PCDHA8: variants seen among roughly 807,000 people sequenced by gnomAD.
PCDHA8 encodes the protein protocadherin alpha-8.
In PCDHA8, 53 loss-of-function variants were observed where a neutral mutation model predicts 61.8. The ratio of observed to expected loss-of-function variants is 0.86; its 90% CI spans 0.69 to 1.08. The LOEUF is 1.08. Among genes scored for constraint, PCDHA8 ranks in the 50% least tolerant of loss-of-function variants. The pLI is 0.00. For synonymous variants in PCDHA8, 618 were observed against 556.6 expected (o/e 1.11, Z -1.55); for missense variants, 1,293 against 1,245.0 (o/e 1.04, Z -0.58).
intron 3 of PCDHA8, among the ~76,000 whole-genome samples, chr5:140,996,335 T>G (rs887353118): frequency 1.3e-5 from 2 of 152,202 alleles, no homozygotes; most frequent in African/African-American, 4.8e-5. Flanking sequence ...AAGAAAAGTT[T>G]GAAAACCCAA....
At chr5:140,936,080 A>C (rs1252008478) in intron 1 of PCDHA8, among the ~76,000 whole-genome samples, 2 of 152,004 alleles carry the variant, frequency 1.3e-5, no homozygotes, top group African/African-American at 4.8e-5. Flanking sequence ...TTTAGTAGAG[A>C]CAGGGTTTCA....
intron 1 of PCDHA8, chr5:140,857,253 A>G (rs1554149722): frequency 1.3e-6 from 2 of 1,598,432 alleles, no homozygotes; most frequent in Admixed American, 3.4e-5. Context: ...ACCTACAAGA[A>G]TTACTACTCA....
At chr5:140,872,294 T>C in intron 1 of PCDHA8, among the ~76,000 whole-genome samples, 1 of 152,190 alleles carries the variant, frequency 6.6e-6, no homozygotes, top group East Asian at 1.9e-4. Flanking sequence ...AAGCCTTGCA[T>C]TCTTATATGC....
rs150142414 is a variant in PCDHA8, at chr5:140,941,961, T to C, written c.2395-36988T>C. 4.6e-3 allele frequency among the ~76,000 whole-genome samples: 702 copies of C among 152,326 alleles called. 3 individuals are homozygous for C. Among genetic ancestry groups the C allele is most frequent in the African/African-American group, 0.016 (679 of 41,550 alleles). On this transcript the variant is annotated intron_variant, in intron 1 of 3. Transcript: ENST00000531613. Reference sequence around the variant, plus strand: ...TACTTTTGTTTTGAAAACAATAGTATCTTTACTTTCCCTAAACCTTGATAA... The same window carrying C: ...TACTTTTGTTTTGAAAACAATAGTACCTTTACTTTCCCTAAACCTTGATAA...
At chr5:141,003,517 T>C (rs538562882) in intron 3 of PCDHA8, among the ~76,000 whole-genome samples, 1 of 152,238 alleles carries the variant, frequency 6.6e-6, no homozygotes, top group East Asian at 1.9e-4. Context: ...TTCACCATGT[T>C]CCCTAGGCTG....
intron 1 of PCDHA8, chr5:140,856,066 C>A: frequency 6.3e-7 from 1 of 1,589,756 alleles, no homozygotes; most frequent in Non-Finnish European, 8.6e-7. Flanking sequence ...CCAGATGTAG[C>A]TGCCTGGGGG....
chr5:140,857,507 G>T, intron 1 of PCDHA8: 2 of 1,598,302 alleles, frequency 1.3e-6, no homozygotes, highest in African/African-American at 1.3e-5. Context: ...GCAGGAGAAC[G>T]CCCTGGTGTC....
chr5:140,882,357 A>G lies in PCDHA8; in HGVS notation c.2394+38642A>G, dbSNP rs1010659037. On this transcript the variant is annotated intron_variant, in intron 1 of 3. Transcript: ENST00000531613. Reference sequence around the variant, plus strand: ...GCAGCCTGGGAGACGGGTAGTGGCCAGCTCCACTACTCCGTCCCCGAGGAA... The same window carrying G: ...GCAGCCTGGGAGACGGGTAGTGGCCGGCTCCACTACTCCGTCCCCGAGGAA... 22 of 1,614,084 alleles carry G rather than the reference A, an allele frequency of 1.4e-5. No individual in the cohort carries two copies. In the Admixed American group the frequency reaches 2.5e-4, roughly 18 times the overall value.
chr5:140,850,705 C>T, intron 1 of PCDHA8: 1 of 1,597,920 alleles, frequency 6.3e-7, no homozygotes, highest in South Asian at 1.1e-5. Context: ...CCTGGCAAGC[C>T]GACGCTGGTG....
intron 1 of PCDHA8, among the ~76,000 whole-genome samples, chr5:140,915,401 A>G (rs536178543): frequency 1.3e-5 from 2 of 152,300 alleles, no homozygotes; most frequent in African/African-American, 4.8e-5. Flanking sequence ...TATTTCTTAT[A>G]GTCTTTGCAG....
At chr5:140,979,109 G>A (rs979649515) in intron 2 of PCDHA8, 102 bp downstream of exon 2, 1 of 1,524,682 alleles carries the variant, frequency 6.6e-7, no homozygotes, top group Admixed American at 2.3e-5. Context: ...AAACTAAAAA[G>A]CTTTAGGTAC....
chr5:140,874,818 T>C (rs1169923118), intron 1 of PCDHA8, among the ~76,000 whole-genome samples: 8 of 152,256 alleles, frequency 5.3e-5, no homozygotes, highest in Admixed American at 5.2e-4. Flanking sequence ...ACAATTTATA[T>C]AAATGAAATA....
rs782017107 is a variant in PCDHA8 at position 140,968,690 on chromosome 5, A to G, written c.2395-10259A>G. ...TAAGGTAGAGCTGCACACAGGAGAAATTAGGACTACCAGGAAGATGGGAGA... is the reference window on the plus strand; with the variant it reads ...TAAGGTAGAGCTGCACACAGGAGAAGTTAGGACTACCAGGAAGATGGGAGA... On this transcript the variant is annotated intron_variant, in intron 1 of 3. Transcript: ENST00000531613. 60 of 1,614,030 alleles carry G rather than the reference A, an allele frequency of 3.7e-5. No individual in the cohort carries two copies. The highest frequency in any genetic ancestry group is 4.8e-5 in the Non-Finnish European group (57 of 1,180,040).
intron 1 of PCDHA8, among the ~76,000 whole-genome samples, chr5:140,845,445 T>A (rs1779878937): frequency 6.7e-6 from 1 of 149,700 alleles, no homozygotes; most frequent in Non-Finnish European, 1.5e-5. Context: ...GTTCTGTTTT[T>A]CTTCAACTCT....
intron 1 of PCDHA8, chr5:140,929,180 G>C (rs782260576): frequency 2.7e-5 from 44 of 1,614,150 alleles, no homozygotes; most frequent in Non-Finnish European, 3.7e-5. Flanking sequence ...CTGGGACTTG[G>C]TTCTGATAAT....
At chr5:140,918,742 A>T (rs2078833886) in intron 1 of PCDHA8, among the ~76,000 whole-genome samples, 1 of 152,170 alleles carries the variant, frequency 6.6e-6, no homozygotes, top group Non-Finnish European at 1.5e-5. Context: ...GCCCTTATAA[A>T]AGAGGCCCAG....
intron 1 of PCDHA8, among the ~76,000 whole-genome samples, chr5:140,948,960 G>A (rs900113633): frequency 5.9e-5 from 9 of 151,550 alleles, no homozygotes; most frequent in Non-Finnish European, 1.2e-4. Context: ...TTAAAGCCAC[G>A]AATTTATTAG....
intron 3 of PCDHA8, among the ~76,000 whole-genome samples, chr5:141,003,398 G>A (rs1282074480): frequency 1.3e-5 from 2 of 152,114 alleles, no homozygotes; most frequent in African/African-American, 4.8e-5. Flanking sequence ...TGAAACCTCC[G>A]CCTCCCGGGT....
chr5:140,934,053 G>A (rs2089601827), intron 1 of PCDHA8, among the ~76,000 whole-genome samples: 1 of 151,758 alleles, frequency 6.6e-6, no homozygotes, highest in African/African-American at 2.4e-5. Flanking sequence ...GTCTTTCCAA[G>A]GCTAACTTTT....
Sources: allele counts gnomAD v4.1 joint callset (sites outside exome capture counted in the v4.1 genomes callset), GRCh38; gene constraint gnomAD v4.1.1; transcripts MANE v1.5; gene names NCBI Gene and HGNC (gene_info 2026-07-23, HGNC 2026-07-21).